Variants in ACTN4 observed in about 807,000 individuals in gnomAD.
ACTN4 encodes actinin alpha 4, also known as alpha-actinin-4.
A neutral mutation model predicts 114.2 loss-of-function variants in ACTN4; 18 were observed. That is an observed-to-expected ratio of 0.16 (90% CI 0.11 to 0.23). The LOEUF (loss-of-function observed/expected upper bound fraction) is 0.23, where lower values mean the gene tolerates loss of function less well. Among genes scored for constraint, ACTN4 ranks in the 10% least tolerant of loss-of-function variants. ACTN4 has a pLI of 1.00. For synonymous variants in ACTN4, 515 were observed against 506.3 expected, an observed-to-expected ratio of 1.02 and a Z score of -0.23; for missense variants, 722 against 1,262.9, an observed-to-expected ratio of 0.57 and a Z score of 6.49.
intron 7 of ACTN4, among the ~76,000 whole-genome samples, 154 bp downstream of exon 7, chr19:38,709,630 G>C (rs960985456): frequency 3.9e-5 from 6 of 152,242 alleles, no homozygotes; most frequent in Non-Finnish European, 8.8e-5. Flanking sequence ...GATTCTGGGT[G>C]AACTGGGGAC....
At chr19:38,704,547 G>A (rs80183118) in intron 3 of ACTN4, among the ~76,000 whole-genome samples, 1,854 of 152,390 alleles carry the variant, frequency 0.012, 49 homozygotes, top group African/African-American at 0.043. Flanking sequence ...CCTGTAGTCA[G>A]GAGGTACGCA....
Position 38,724,698 on chromosome 19 carries a change from G to T in ACTN4, c.2010+133G>T, listed in dbSNP as rs1022642072. The T allele has an allele frequency of 5.6e-5, 80 of 1,440,586 alleles. No individual in the cohort carries two copies. The highest frequency in any genetic ancestry group is 7.4e-5 in the Non-Finnish European group (78 of 1,048,826). 89.2% of individuals were successfully genotyped at this position (1,440,586 alleles called of 1,614,324 possible). ...CAGGTCCCAATTCTCACCACCCAGG[G>T]GCCGTGATCACCCTGCGGGGTTAGG... is the stretch of plus-strand genomic sequence containing the variant. On this transcript the variant is annotated intron_variant, in intron 16 of 20. Coordinates refer to ENST00000252699, the MANE Select transcript of ACTN4 (RefSeq NM_004924.6). The surrounding 1 kb of genome is among the most constrained non-coding windows in gnomAD (Gnocchi z 7.0).
chr19:38,697,231 C>T (rs888367756), intron 1 of ACTN4, among the ~76,000 whole-genome samples: 1 of 152,234 alleles, frequency 6.6e-6, no homozygotes, highest in Non-Finnish European at 1.5e-5. Context: ...GGTTTGTTCA[C>T]AGCCTCCACA....
At chr19:38,653,831 A>G (rs1209259091) in intron 1 of ACTN4, among the ~76,000 whole-genome samples, 1 of 152,230 alleles carries the variant, frequency 6.6e-6, no homozygotes, top group Non-Finnish European at 1.5e-5. Context: ...ATTCAATGGC[A>G]GTGGTAACTG....
At position 38,730,826 on chromosome 19, in the gene ACTN4, G is replaced by A. The variant is rs988625891; in HGVS notation, c.*1394G>A. ...GTCTTGCTCAGCAACCCTGCCCTGA[G>A]CAGCAGGTGCGCCCATCCGGAGATC... On this transcript the variant is annotated 3_prime_UTR_variant, in exon 21 of 21. Coordinates refer to ENST00000252699, the MANE Select transcript of ACTN4 (RefSeq NM_004924.6). 1.9e-6 allele frequency: 3 copies of A among 1,550,448 alleles called. No homozygotes were observed. Among genetic ancestry groups the A allele is most frequent in the African/African-American group, 2.7e-5 (2 of 73,062 alleles).
intron 1 of ACTN4, among the ~76,000 whole-genome samples, chr19:38,665,379 G>A (rs546301195): frequency 1.3e-5 from 2 of 152,304 alleles, no homozygotes; most frequent in South Asian, 2.1e-4. Flanking sequence ...GTGATAGTGC[G>A]CAGGAAGCAC....
chr19:38,664,169 GT>G lies in ACTN4; in HGVS notation c.162+16265del, dbSNP rs562276485. On this transcript the variant is annotated intron_variant, in intron 1 of 20. Coordinates refer to ENST00000252699, the MANE Select transcript of ACTN4 (RefSeq NM_004924.6). ...GTGGCCTAGGAGTGTGCTGCCTTCA[GT>G]TTATTCCTGCCTGCCAAGCTACGCT... 6.4e-3 allele frequency among the ~76,000 whole-genome samples: 974 copies of G among 152,294 alleles called. 8 individuals carry two copies. The highest frequency in any genetic ancestry group is 0.019 in the African/African-American group (793 of 41,558).
intron 8 of ACTN4, among the ~76,000 whole-genome samples, chr19:38,711,712 C>T (rs1430159469): frequency 1.3e-5 from 2 of 152,240 alleles, no homozygotes; most frequent in Admixed American, 1.3e-4. Context: ...CCCTGTCCAT[C>T]ATCTGCACCA....
rs183637217 is a variant in ACTN4, at chr19:38,685,233, C to T, written c.163-15367C>T. Among the ~76,000 whole-genome samples the T allele has an allele frequency of 2.4e-4, 36 of 152,286 alleles. No individual in the cohort carries two copies. The East Asian group carries it at 4.4e-3, about 19-fold the overall frequency. On this transcript the variant is annotated intron_variant, in intron 1 of 20. Coordinates refer to ENST00000252699, the MANE Select transcript of ACTN4 (RefSeq NM_004924.6). ...TGCTAGGATTACAGGTGTGAGCCAC[C>T]GTGCTTGGCCAACCCACCCAAATTG...
intron 1 of ACTN4, among the ~76,000 whole-genome samples, chr19:38,690,385 T>G (rs1042050991): frequency 6.6e-6 from 1 of 152,240 alleles, no homozygotes; most frequent in Non-Finnish European, 1.5e-5. Flanking sequence ...TCATTCGGGC[T>G]AGAGGCTCGC....
At chr19:38,671,400 C>T (rs1568687085) in intron 1 of ACTN4, among the ~76,000 whole-genome samples, 1 of 152,146 alleles carries the variant, frequency 6.6e-6, no homozygotes, top group Non-Finnish European at 1.5e-5. Flanking sequence ...TGAACAATGC[C>T]AGCTTTCTAT....
intron 6 of ACTN4, 102 bp from the exon 7 acceptor site, chr19:38,709,293 C>T (rs1968562703): frequency 1.1e-6 from 1 of 880,888 alleles, no homozygotes; most frequent in Non-Finnish European, 2.0e-6. Context: ...ACCCCCAACC[C>T]TCGCCCTCCC....
At chr19:38,714,643 G>A (rs1968779467) in intron 9 of ACTN4, 82 bp downstream of exon 9, 2 of 1,438,338 alleles carry the variant, frequency 1.4e-6, no homozygotes, top group Non-Finnish European at 1.9e-6. Flanking sequence ...GGGGAAAGCA[G>A]GTGTGGCAGC....
chr19:38,721,009 T>G (rs1568741218), intron 11 of ACTN4, among the ~76,000 whole-genome samples: 1 of 152,224 alleles, frequency 6.6e-6, no homozygotes, highest in Non-Finnish European at 1.5e-5. Context: ...GGCCTGATGG[T>G]GGGCCCGCCC....
intron 1 of ACTN4, among the ~76,000 whole-genome samples, chr19:38,651,235 A>G (rs1181176031): frequency 6.6e-6 from 1 of 152,218 alleles, no homozygotes; most frequent in Non-Finnish European, 1.5e-5. Flanking sequence ...ATTAAGCAAG[A>G]GTTGGCCCAA....
At chr19:38,650,031 T>C (rs1448493975) in intron 1 of ACTN4, among the ~76,000 whole-genome samples, 1 of 152,084 alleles carries the variant, frequency 6.6e-6, no homozygotes, top group Non-Finnish European at 1.5e-5. Context: ...TCAACAATAA[T>C]TTATTGCCTG....
In ACTN4 at chr19:38,701,135, G is replaced by A; in HGVS notation, c.397+14G>A. 7 of 1,613,708 alleles carry A rather than the reference G, an allele frequency of 4.3e-6. No individual in the cohort carries two copies. Among genetic ancestry groups the A allele is most frequent in the Non-Finnish European group, 5.9e-6 (7 of 1,180,012 alleles). On this transcript the variant is annotated intron_variant, in intron 3 of 20. Transcript: ENST00000252699. The stretch of plus-strand genomic sequence containing the variant: ...TCGGGGCAGAAGGTGAGCTGGAGGT[G>A]GGGCAGCGAGGGTCCTGCTCGGTTT...
chr19:38,729,509 C>T lies in ACTN4; in HGVS notation c.*77C>T, dbSNP rs775615261. The T allele has an allele frequency of 2.9e-6, 4 of 1,397,122 alleles. No homozygotes were observed. Among genetic ancestry groups the T allele is most frequent in the Admixed American group, 2.1e-5 (1 of 47,154 alleles). The allele number at this position is 1,397,122 out of a possible 1,614,324, so 86.5% of individuals were successfully genotyped here. On this transcript the variant is annotated 3_prime_UTR_variant, in exon 21 of 21. Transcript: ENST00000252699. ...GCAGCCCCACAGTCCCATTCCTCCA[C>T]TCTGTATCTATGCAAAGCACTCTCT...
intron 1 of ACTN4, among the ~76,000 whole-genome samples, chr19:38,680,245 TA>T (rs1379828346): frequency 1.5e-5 from 2 of 131,830 alleles, no homozygotes; most frequent in African/African-American, 2.8e-5. Context: ...TTTTTTTTTT[TA>T]AAGTCAGAGT....
Sources: gnomAD v4.1 joint callset for allele counts (sites outside exome capture counted in the v4.1 genomes callset) on GRCh38, gnomAD v4.1.1 for gene constraint, Gnocchi (gnomAD v3.1) non-coding constraint, MANE v1.5 for transcripts, NCBI Gene and HGNC (gene_info 2026-07-23, HGNC 2026-07-21) for gene names.